Variants in GJC1 observed in about 807,000 individuals in gnomAD.
GJC1 encodes gap junction protein gamma 1.
A neutral mutation model predicts 29.3 loss-of-function variants in GJC1; 5 were observed. That is an observed-to-expected ratio of 0.17 (90% confidence interval 0.09 to 0.36). The LOEUF (loss-of-function observed/expected upper bound fraction) is 0.36, where lower values mean the gene tolerates loss of function less well. Ranked by LOEUF, GJC1 falls within the 10% of genes least tolerant of loss-of-function variation. GJC1 has a pLI of 1.00. For missense variants in GJC1, 310 were observed against 496.2 expected, an observed-to-expected ratio of 0.62 and a Z score of 3.56; for synonymous variants, 177 against 183.3, an observed-to-expected ratio of 0.97 and a Z score of 0.28.
intron 1 of GJC1, among the ~76,000 whole-genome samples, chr17:44,822,752 A>G (rs1458565894): frequency 6.6e-6 from 1 of 151,988 alleles, no homozygotes; most frequent in African/African-American, 2.4e-5. Flanking sequence ...CAAGATGAAG[A>G]GCTCACTTTG....
chr17:44,796,176 C>T (rs185935844), downstream of GJC1, among the ~76,000 whole-genome samples: 2 of 152,360 alleles, frequency 1.3e-5, no homozygotes, highest in East Asian at 1.9e-4. Flanking sequence ...TGCCAGTCCT[C>T]ACCTAGGTCC....
At chr17:44,812,350 C>A (rs1567710350) in intron 1 of GJC1, among the ~76,000 whole-genome samples, 1 of 152,066 alleles carries the variant, frequency 6.6e-6, no homozygotes, top group Non-Finnish European at 1.5e-5. Flanking sequence ...CAAAACAAAA[C>A]AAAAAACCCA....
In GJC1 at chr17:44,802,027, A is replaced by G. The variant is rs541493330; in HGVS notation, c.*2600T>C. The G allele has an allele frequency of 1.3e-5, 2 of 152,322 alleles. No homozygotes were observed. The highest frequency in any genetic ancestry group is 4.8e-5 in the African/African-American group (2 of 41,572). 9.4% of individuals were successfully genotyped at this position (152,322 alleles called of 1,614,324 possible). ...GTTAGAGCTGGAAAATTCTTGACAT[A>G]ATTACAACTTTAGCAAGAGAATAAA... On this transcript the variant is annotated 3_prime_UTR_variant, in exon 3 of 3. Coordinates refer to ENST00000592524, the MANE Select transcript of GJC1 (RefSeq NM_005497.4).
chr17:44,828,991 T>C lies in GJC1; in HGVS notation c.-97+1071A>G, dbSNP rs2050202702. 2.0e-5 allele frequency among the ~76,000 whole-genome samples: 3 copies of C among 151,658 alleles called. No individual in the cohort carries two copies. The South Asian group carries it at 6.3e-4, about 32-fold the overall frequency. On this transcript the variant is annotated intron_variant, in intron 1 of 2. Coordinates refer to ENST00000592524, the MANE Select transcript of GJC1 (RefSeq NM_005497.4). The stretch of plus-strand genomic sequence containing the variant: ...TTTGATTTTTTATAGCGCTTTCACA[T>C]ATATTCACTTGAACGTATACACGAC...
chr17:44,822,366 G>A (rs2050120683), intron 1 of GJC1, among the ~76,000 whole-genome samples: 1 of 151,836 alleles, frequency 6.6e-6, no homozygotes, highest in South Asian at 2.1e-4. Context: ...TAAAATTAGG[G>A]TGTGTTGGCT....
Position 44,804,891 on chromosome 17 carries a change from G to T in GJC1, c.927C>A (p.Ile309=). ...IQYTELSNAK[I]AYKQNKANTA... Reference sequence around the variant, plus strand: ...TGTTGGCCTTGTTTTGCTTGTAGGCGATCTTAGCATTGGACAGTTCGGTGT... The same window carrying T: ...TGTTGGCCTTGTTTTGCTTGTAGGCTATCTTAGCATTGGACAGTTCGGTGT... The change falls in exon 3 of 3, where the codon ATC becomes ATA. Residue 309 remains isoleucine (I), a synonymous_variant. Coordinates refer to ENST00000592524, the MANE Select transcript of GJC1 (RefSeq NM_005497.4). The T allele has an allele frequency of 6.2e-7, 1 of 1,614,138 alleles. No homozygotes were observed. The highest frequency in any genetic ancestry group is 1.1e-5 in the South Asian group (1 of 91,086).
intron 1 of GJC1, among the ~76,000 whole-genome samples, chr17:44,815,063 T>TA (rs908710807): frequency 2.6e-5 from 4 of 152,150 alleles, no homozygotes; most frequent in African/African-American, 9.7e-5. Context: ...CTCTCATGAA[T>TA]AAAAAATCAT....
chr17:44,821,429 G>A (rs1342904118), intron 1 of GJC1, among the ~76,000 whole-genome samples: 1 of 152,004 alleles, frequency 6.6e-6, no homozygotes, highest in Non-Finnish European at 1.5e-5. Context: ...TGGGTGCGGT[G>A]GCTCATGCCT....
At chr17:44,825,360 C>T (rs1262666977) in intron 1 of GJC1, among the ~76,000 whole-genome samples, 2 of 151,764 alleles carry the variant, frequency 1.3e-5, no homozygotes, top group East Asian at 3.9e-4. Context: ...CATGGTGGTG[C>T]ATGCCTGTAA....
At chr17:44,826,709 T>G (rs2050180919) in intron 1 of GJC1, among the ~76,000 whole-genome samples, 1 of 152,196 alleles carries the variant, frequency 6.6e-6, no homozygotes, top group Admixed American at 6.6e-5. Flanking sequence ...TGCCAGCCAG[T>G]ACTGACTAAC....
intron 1 of GJC1, among the ~76,000 whole-genome samples, chr17:44,820,014 C>T (rs1019633788): frequency 2.2e-4 from 34 of 152,188 alleles, no homozygotes; most frequent in African/African-American, 7.0e-4. Flanking sequence ...TGTGCCACCA[C>T]ACCTGGCTAA....
chr17:44,805,785 C>T lies in GJC1; in HGVS notation c.33G>A (p.Glu11=). Residue 11 remains glutamate (E), a synonymous_variant, in exon 3 of 3, where the codon GAG becomes GAA. Transcript: ENST00000592524. This position sits in a 1 kb window ranked among gnomAD's most constrained non-coding sequence, Gnocchi z 5.1. The part of the protein sequence containing the change: MSWSFLTRLL[E]EIHNHSTFVG... ...CAAATGTGGAATGGTTGTGAATCTC[C>T]TCTAGCAGGCGAGTCAGGAAGCTCC... 1.2e-6 allele frequency: 2 copies of T among 1,612,432 alleles called. No homozygotes were observed. The highest frequency in any genetic ancestry group is 1.7e-6 in the Non-Finnish European group (2 of 1,178,778).
At chr17:44,827,932 A>T (rs1023139514) in intron 1 of GJC1, among the ~76,000 whole-genome samples, 22 of 152,214 alleles carry the variant, frequency 1.4e-4, no homozygotes, top group African/African-American at 5.3e-4. Flanking sequence ...AACATACAAC[A>T]AATAAAGCAA....
chr17:44,818,493 C>G (rs1027350718), intron 1 of GJC1, among the ~76,000 whole-genome samples: 2 of 138,362 alleles, frequency 1.4e-5, no homozygotes, highest in Non-Finnish European at 3.1e-5. Context: ...GGAAAAGTCT[C>G]TAATAGTCTC....
downstream of GJC1, chr17:44,794,307 C>G (rs1277194571): frequency 3.3e-5 from 5 of 152,254 alleles, no homozygotes; most frequent in African/African-American, 1.2e-4. Context: ...CTTCCAGTCT[C>G]GATCACTTCC....
chr17:44,803,496 A>T lies in GJC1; in HGVS notation c.*1131T>A, dbSNP rs973928132. 6 of 152,228 alleles carry T rather than the reference A, an allele frequency of 3.9e-5. No homozygotes were observed. The highest frequency in any genetic ancestry group is 8.8e-5 in the Non-Finnish European group (6 of 68,042). The allele number at this position is 152,228 out of a possible 1,614,324, so 9.4% of individuals were successfully genotyped here. A position where few individuals can be genotyped will look rare whatever the true frequency, so the allele number is the denominator to read the frequency against. The stretch of plus-strand genomic sequence containing the variant: ...CATGACCTTTCAGGCATAAACCTCC[A>T]CTGGCAGAAGTAAGAATTTAATCAC... On this transcript the variant is annotated 3_prime_UTR_variant, in exon 3 of 3. Coordinates refer to ENST00000592524, the MANE Select transcript of GJC1 (RefSeq NM_005497.4).
chr17:44,795,346 G>A (rs148069426), downstream of GJC1, among the ~76,000 whole-genome samples: 1 of 149,490 alleles, frequency 6.7e-6, no homozygotes, highest in East Asian at 2.0e-4. Flanking sequence ...CAATTCTCTT[G>A]CCTCAGCCTC....
chr17:44,825,251 G>C (rs2145370068), intron 1 of GJC1, among the ~76,000 whole-genome samples: 1 of 133,900 alleles, frequency 7.5e-6, no homozygotes, highest in East Asian at 2.4e-4. Flanking sequence ...TGTAATCCCA[G>C]CACTTTGGGA....
rs1254638791 is a variant in GJC1, at chr17:44,805,970, A to T, written c.-20-133T>A. The T allele has an allele frequency of 1.7e-6, 1 of 589,354 alleles. No individual in the cohort carries two copies. The highest frequency in any genetic ancestry group is 1.9e-5 in the African/African-American group (1 of 53,468). 36.5% of individuals were successfully genotyped at this position (589,354 alleles called of 1,614,324 possible). On this transcript the variant is annotated intron_variant, in intron 2 of 2. Coordinates refer to ENST00000592524, the MANE Select transcript of GJC1 (RefSeq NM_005497.4). The surrounding 1 kb of genome is among the most constrained non-coding windows in gnomAD (Gnocchi z 5.1). The stretch of plus-strand genomic sequence containing the variant: ...AACCTCAAGGTTCACAGTGGAACAA[A>T]TGTTAGAATAAACAGCATCTCAGTT...
Sources: allele counts gnomAD v4.1 joint callset (sites outside exome capture counted in the v4.1 genomes callset), GRCh38; gene constraint gnomAD v4.1.1; non-coding constraint Gnocchi (gnomAD v3.1); transcripts MANE v1.5; gene names NCBI Gene and HGNC (gene_info 2026-07-23, HGNC 2026-07-21).